The following KCNB2 variants were observed in gnomAD, a reference collection of about 807,000 sequenced individuals.
KCNB2 encodes the protein potassium voltage-gated channel subfamily B member 2, also known as delayed rectifier potassium channel protein.
A neutral mutation model predicts 61.5 loss-of-function variants in KCNB2; 15 were observed. The ratio of observed to expected loss-of-function variants is 0.24; its 90% CI spans 0.16 to 0.38. The LOEUF is 0.38. KCNB2 is among the 10% of genes least tolerant of loss of function. KCNB2 has a pLI of 1.00. For missense variants in KCNB2, 828 were observed against 1,125.2 expected (o/e 0.74, Z 3.78); for synonymous variants, 457 against 446.0 (o/e 1.02, Z -0.31).
chr8:72,546,408 C>T (rs563579200), intron 1 of KCNB2, among the ~76,000 whole-genome samples: 1 of 151,926 alleles, frequency 6.6e-6, no homozygotes. Flanking sequence ...ATCCCAGCTA[C>T]TTGGGAGGCT....
intron 2 of KCNB2, among the ~76,000 whole-genome samples, chr8:72,838,266 C>T (rs1250589344): frequency 1.3e-5 from 2 of 152,116 alleles, no homozygotes; most frequent in African/African-American, 4.8e-5. Flanking sequence ...CTTCCCCCAG[C>T]CCCCCACCAG....
intron 2 of KCNB2, among the ~76,000 whole-genome samples, chr8:72,716,396 T>C (rs1424693851): frequency 6.6e-6 from 1 of 152,096 alleles, no homozygotes; most frequent in Non-Finnish European, 1.5e-5. Context: ...TGATGAACAT[T>C]GATGCAAAAA....
intron 2 of KCNB2, among the ~76,000 whole-genome samples, chr8:72,775,515 A>T (rs565815754): frequency 2.0e-5 from 3 of 152,242 alleles, no homozygotes; most frequent in Non-Finnish European, 4.4e-5. Flanking sequence ...CGTATTTTTT[A>T]AAAGCGTGTT....
intron 2 of KCNB2, among the ~76,000 whole-genome samples, chr8:72,595,683 A>C (rs1807178451): frequency 6.6e-6 from 1 of 152,118 alleles, no homozygotes; most frequent in African/African-American, 2.4e-5. Flanking sequence ...AGCTCTGAGA[A>C]GCCTTCACAG....
chr8:72,738,787 C>G (rs1269731157), intron 2 of KCNB2, among the ~76,000 whole-genome samples: 1 of 152,006 alleles, frequency 6.6e-6, no homozygotes, highest in Non-Finnish European at 1.5e-5. Context: ...TTTGAGCATC[C>G]CTGGCAAGAT....
At chr8:72,917,175 G>C (rs904689868) in intron 2 of KCNB2, among the ~76,000 whole-genome samples, 2 of 152,106 alleles carry the variant, frequency 1.3e-5, no homozygotes, top group Non-Finnish European at 2.9e-5. Context: ...TCCTTGTGAG[G>C]CTTTTTCGAT....
chr8:72,588,509 G>A (rs1807036323), intron 2 of KCNB2, among the ~76,000 whole-genome samples: 1 of 152,044 alleles, frequency 6.6e-6, no homozygotes, highest in African/African-American at 2.4e-5. Flanking sequence ...AAAGTGCTGA[G>A]ATTACAGGCT....
intron 2 of KCNB2, among the ~76,000 whole-genome samples, chr8:72,894,628 A>G (rs1320073883): frequency 1.2e-5 from 1 of 86,160 alleles, no homozygotes; most frequent in Non-Finnish European, 3.5e-5. Context: ...CAATCTTTCC[A>G]AGGCCTCTCT....
At chr8:72,719,527 C>A (rs1193349256) in intron 2 of KCNB2, among the ~76,000 whole-genome samples, 1 of 151,996 alleles carries the variant, frequency 6.6e-6, no homozygotes, top group Non-Finnish European at 1.5e-5. Context: ...ATTTAGTATG[C>A]CAAGTGGCTA....
At chr8:72,792,432 C>T (rs1279665901) in intron 2 of KCNB2, among the ~76,000 whole-genome samples, 1 of 152,112 alleles carries the variant, frequency 6.6e-6, no homozygotes, top group African/African-American at 2.4e-5. Flanking sequence ...TCTTTATTAT[C>T]AACAAAAGAT....
chr8:72,859,078 C>T (rs1364170917), intron 2 of KCNB2, among the ~76,000 whole-genome samples: 1 of 152,148 alleles, frequency 6.6e-6, no homozygotes, highest in Admixed American at 6.5e-5. Context: ...CAATTAATGC[C>T]TCCAATTTTT....
intron 1 of KCNB2, among the ~76,000 whole-genome samples, chr8:72,562,287 C>T (rs183289569): frequency 6.6e-6 from 1 of 152,170 alleles, no homozygotes; most frequent in Non-Finnish European, 1.5e-5. Context: ...CCCACTCCCC[C>T]TCCAAACCTG....
At chr8:72,741,486 G>C (rs1807958723) in intron 2 of KCNB2, among the ~76,000 whole-genome samples, 1 of 152,026 alleles carries the variant, frequency 6.6e-6, no homozygotes, top group South Asian at 2.1e-4. Context: ...AGTTCTTTAG[G>C]TGTTATTTCT....
In KCNB2 at chr8:72,858,234, G is replaced by C. The variant is rs147232863; in HGVS notation, c.580-77701G>C. Among the ~76,000 whole-genome samples the C allele has an allele frequency of 5.3e-5, 8 of 152,262 alleles. No homozygotes were observed. The East Asian group carries it at 1.5e-3, about 29-fold the overall frequency. On this transcript the variant is annotated intron_variant, in intron 2 of 2. Coordinates refer to ENST00000523207, the MANE Select transcript of KCNB2 (RefSeq NM_004770.3). ...CATTTATTACATTCTAGTTCAGATA[G>C]ATAACATTTTTTAAAGTATAATATT...
intron 2 of KCNB2, among the ~76,000 whole-genome samples, chr8:72,671,371 G>A (rs1227005358): frequency 6.6e-6 from 1 of 152,162 alleles, no homozygotes; most frequent in Non-Finnish European, 1.5e-5. Context: ...ATTACAGCCT[G>A]CAAAACCTTG....
At chr8:72,766,433 C>T (rs1351878232) in intron 2 of KCNB2, among the ~76,000 whole-genome samples, 1 of 152,158 alleles carries the variant, frequency 6.6e-6, no homozygotes, top group Non-Finnish European at 1.5e-5. Context: ...TAATCTAACA[C>T]AGCCAAGAAA....
At chr8:72,875,452 C>G (rs571456739) in intron 2 of KCNB2, among the ~76,000 whole-genome samples, 5 of 152,054 alleles carry the variant, frequency 3.3e-5, no homozygotes, top group Non-Finnish European at 7.3e-5. Context: ...CTTTAGAAGC[C>G]CTGGTCCAAG....
intron 2 of KCNB2, among the ~76,000 whole-genome samples, chr8:72,789,363 T>C (rs1453446850): frequency 6.6e-6 from 1 of 152,196 alleles, no homozygotes; most frequent in Non-Finnish European, 1.5e-5. Flanking sequence ...TTGTGTCCAA[T>C]TCTTGAGTGC....
At chr8:72,801,022 AG>A (rs1392272579) in intron 2 of KCNB2, among the ~76,000 whole-genome samples, 1 of 152,178 alleles carries the variant, frequency 6.6e-6, no homozygotes, top group Non-Finnish European at 1.5e-5. Flanking sequence ...ATGGTTCACT[AG>A]CGGCTCAAAA....
Sources: allele counts gnomAD v4.1 joint callset (sites outside exome capture counted in the v4.1 genomes callset), GRCh38; gene constraint gnomAD v4.1.1; transcripts MANE v1.5; gene names NCBI Gene and HGNC (gene_info 2026-07-23, HGNC 2026-07-21).